Variants in IGSF21 observed in about 807,000 individuals in gnomAD.
The protein encoded by IGSF21 is immunoglobin superfamily member 21.
IGSF21 carries 28 observed loss-of-function variants against 46.8 expected under a neutral mutation model. The observed-to-expected ratio is 0.60, with a 90% CI of 0.44 to 0.82. IGSF21 has a LOEUF of 0.82. Ranked by LOEUF, IGSF21 falls within the 40% of genes least tolerant of loss-of-function variation. The pLI, the probability that IGSF21 is intolerant of heterozygous loss-of-function variation, is 0.00. For missense variants in IGSF21, 624 were observed against 665.5 expected (o/e 0.94, Z 0.69); for synonymous variants, 284 against 273.6 (o/e 1.04, Z -0.38).
At chr1:18,278,615 G>A (rs192462838) in intron 2 of IGSF21, among the ~76,000 whole-genome samples, 7 of 151,550 alleles carry the variant, frequency 4.6e-5, no homozygotes, top group Middle Eastern at 3.4e-3. Context: ...GTACAGTGGC[G>A]AGATCTTGGC....
At chr1:18,143,281 C>A (rs1297222319) in intron 1 of IGSF21, among the ~76,000 whole-genome samples, 1 of 152,112 alleles carries the variant, frequency 6.6e-6, no homozygotes, top group African/African-American at 2.4e-5. Context: ...TGTGTGCTAT[C>A]CCCCACCCCC....
At position 18,376,860 on chromosome 1, in the gene IGSF21, G is replaced by T; in HGVS notation, c.1162G>T (p.Gly388Cys). Residue 388 changes from glycine to cysteine, a missense_variant, in exon 8 of 10, where the codon GGC becomes TGC. Coordinates refer to ENST00000251296, the MANE Select transcript of IGSF21 (RefSeq NM_032880.5). ...WTRVGSRLLD[G>C]SAEFDGKELV... ...GCGGGTTGGGAGCCGCCTCCTGGAC[G>T]GCAGCGCTGAGTTCGACGGGAAGGA... 1 of 1,611,904 alleles carries T rather than the reference G, an allele frequency of 6.2e-7. No individual in the cohort carries two copies. Among genetic ancestry groups the T allele is most frequent in the Non-Finnish European group, 8.5e-7 (1 of 1,178,264 alleles).
chr1:18,190,843 G>T (rs2086949136), intron 1 of IGSF21, among the ~76,000 whole-genome samples: 1 of 152,188 alleles, frequency 6.6e-6, no homozygotes, highest in South Asian at 2.1e-4. Context: ...CTAATCACCG[G>T]GTGATCTTGG....
chr1:18,147,862 C>G (rs1433453500), intron 1 of IGSF21, among the ~76,000 whole-genome samples: 1 of 152,048 alleles, frequency 6.6e-6, no homozygotes, highest in Non-Finnish European at 1.5e-5. Context: ...TCCCATGTGT[C>G]GTGGGAGGGA....
At chr1:18,214,427 G>A (rs2084422095) in intron 1 of IGSF21, among the ~76,000 whole-genome samples, 1 of 152,184 alleles carries the variant, frequency 6.6e-6, no homozygotes, top group Non-Finnish European at 1.5e-5. Flanking sequence ...CCCAAATTTA[G>A]GATGGGAAAT....
chr1:18,145,528 G>A (rs2086457505), intron 1 of IGSF21, among the ~76,000 whole-genome samples: 2 of 152,138 alleles, frequency 1.3e-5, no homozygotes, highest in Admixed American at 1.3e-4. Flanking sequence ...TGGGCCCTGG[G>A]ACAGAGGGAT....
intron 2 of IGSF21, among the ~76,000 whole-genome samples, chr1:18,281,565 C>CA (rs1198619675): frequency 0.037 from 3,781 of 100,990 alleles, 195 homozygotes; most frequent in African/African-American, 0.11. Flanking sequence ...GACTCTGTCT[C>CA]AAAAAAAAAA....
chr1:18,341,384 G>A (rs965661442), intron 4 of IGSF21, among the ~76,000 whole-genome samples: 4 of 152,118 alleles, frequency 2.6e-5, no homozygotes, highest in African/African-American at 4.8e-5. Flanking sequence ...ACATTTATAC[G>A]GACTGTGGGT....
chr1:18,186,388 C>T (rs1186449687), intron 1 of IGSF21, among the ~76,000 whole-genome samples: 1 of 152,178 alleles, frequency 6.6e-6, no homozygotes, highest in Admixed American at 6.5e-5. Flanking sequence ...TACCATCTGT[C>T]TCAAAGCCGG....
At chr1:18,248,725 A>T (rs1557606195) in intron 2 of IGSF21, among the ~76,000 whole-genome samples, 1 of 152,108 alleles carries the variant, frequency 6.6e-6, no homozygotes, top group Admixed American at 6.5e-5. Context: ...TTTACTTAAC[A>T]AATAGTTACC....
rs1165640391 is a variant in IGSF21, at chr1:18,290,018, A to G, written c.184-1848A>G. On this transcript the variant is annotated intron_variant, in intron 2 of 9. Transcript: ENST00000251296. This position sits in a 1 kb window ranked among gnomAD's most constrained non-coding sequence, Gnocchi z 4.2. ...GAAGCTCTGATCCCAAGTACAGCCAACTCTCTTCTCCACCCCATGCCAAGC... is the reference window on the plus strand; with the variant it reads ...GAAGCTCTGATCCCAAGTACAGCCAGCTCTCTTCTCCACCCCATGCCAAGC... 6.6e-6 allele frequency among the ~76,000 whole-genome samples: 1 copy of G among 151,908 alleles called. No homozygotes were observed. The highest frequency in any genetic ancestry group is 2.4e-5 in the African/African-American group (1 of 41,320).
At chr1:18,278,942 A>G (rs1251659464) in intron 2 of IGSF21, 1 of 470,888 alleles carries the variant, frequency 2.1e-6, no homozygotes, top group East Asian at 6.9e-5. Context: ...CATGTTGGGA[A>G]ATGTTCGTAA....
At chr1:18,346,898 C>T (rs146295414) in intron 4 of IGSF21, among the ~76,000 whole-genome samples, 24 of 152,214 alleles carry the variant, frequency 1.6e-4, no homozygotes, top group African/African-American at 4.8e-4. Flanking sequence ...TGTTCAGAGA[C>T]GGGACACTGT....
chr1:18,362,017 G>C (rs925111731), intron 4 of IGSF21, 98 bp from the exon 5 acceptor site: 70 of 564,286 alleles, frequency 1.2e-4, no homozygotes, highest in Middle Eastern at 2.9e-4. Flanking sequence ...CCCCACCCCC[G>C]GCACCCAGCA....
intron 2 of IGSF21, among the ~76,000 whole-genome samples, chr1:18,246,858 T>C (rs747923602): frequency 2.0e-5 from 3 of 152,036 alleles, no homozygotes; most frequent in Admixed American, 6.6e-5. Context: ...ACATCTGAGT[T>C]TGGAAGCTGC....
chr1:18,365,466 A>G lies in IGSF21; in HGVS notation c.784A>G (p.Thr262Ala). The G allele has an allele frequency of 6.2e-7, 1 of 1,613,818 alleles. No individual in the cohort carries two copies. The highest frequency in any genetic ancestry group is 8.5e-7 in the Non-Finnish European group (1 of 1,179,962). Residue 262 changes from threonine (T) to alanine (A), a missense_variant, in exon 6 of 10, where the codon ACA becomes GCA. Thr to Ala is a moderately conservative substitution (Grantham distance 58, BLOSUM62 0). Coordinates refer to ENST00000251296, the MANE Select transcript of IGSF21 (RefSeq NM_032880.5). This position sits in a 1 kb window ranked among gnomAD's most constrained non-coding sequence, Gnocchi z 4.8. Reference protein sequence around the residue: ...PDPNILLQPTTENIPETVVSR... With the variant: ...PDPNILLQPTAENIPETVVSR... ...TCCCAACATCCTCCTCCAGCCAACC[A>G]CAGAGAACATACCAGAGACGGTCGT...
At chr1:18,352,118 G>A (rs1472805879) in intron 4 of IGSF21, among the ~76,000 whole-genome samples, 2 of 152,190 alleles carry the variant, frequency 1.3e-5, no homozygotes, top group Admixed American at 6.5e-5. Flanking sequence ...GGGCCAGGGA[G>A]GCTCCAGAGG....
At position 18,377,409 on chromosome 1, in the gene IGSF21, A is replaced by C; in HGVS notation, c.1311A>C (p.Pro437=). 6.2e-7 allele frequency: 1 copy of C among 1,613,670 alleles called. No homozygotes were observed. The highest frequency in any genetic ancestry group is 1.7e-4 in the Middle Eastern group (1 of 6,060). Residue 437 remains proline, a synonymous_variant, in exon 9 of 10, where the codon CCA becomes CCC. Coordinates refer to ENST00000251296, the MANE Select transcript of IGSF21 (RefSeq NM_032880.5). ...RLIVFENPNI[P]RGTEDSNGSI... ...TTCCAACAGAAAACCCAAATATCCC[A>C]AGAGGAACGGAGGACTCTAATGGTA...
chr1:18,367,292 G>A (rs935851216), intron 6 of IGSF21, among the ~76,000 whole-genome samples: 6 of 152,152 alleles, frequency 3.9e-5, no homozygotes, highest in Non-Finnish European at 7.3e-5. Context: ...TTTCTTGTAC[G>A]GATAGTATGT....
Sources: allele counts gnomAD v4.1 joint callset (sites outside exome capture counted in the v4.1 genomes callset), GRCh38; gene constraint gnomAD v4.1.1; non-coding constraint Gnocchi (gnomAD v3.1); transcripts MANE v1.5; gene names NCBI Gene and HGNC (gene_info 2026-07-23, HGNC 2026-07-21).